Variants in FKBP5 observed in about 807,000 individuals in gnomAD.
The protein encoded by FKBP5 is FKBP prolyl isomerase 5, also known as peptidyl-prolyl cis-trans isomerase FKBP5.
A neutral mutation model predicts 50.5 loss-of-function variants in FKBP5; 23 were observed. That is an observed-to-expected ratio of 0.46 (90% CI 0.33 to 0.65). The LOEUF (loss-of-function observed/expected upper bound fraction) is 0.65. Ranked by LOEUF, FKBP5 falls within the 30% of genes least tolerant of loss-of-function variation. The probability of loss-of-function intolerance (pLI) is 0.02; values close to 1 mark genes in which losing one functional copy is unlikely to be tolerated. For synonymous variants in FKBP5, 176 were observed against 190.6 expected, an observed-to-expected ratio of 0.92 and a Z score of 0.63; for missense variants, 411 against 553.1, an observed-to-expected ratio of 0.74 and a Z score of 2.58.
intron 2 of FKBP5, among the ~76,000 whole-genome samples, chr6:35,696,361 A>C (rs1160441301): frequency 6.6e-6 from 1 of 151,150 alleles, no homozygotes; most frequent in Non-Finnish European, 1.5e-5. Flanking sequence ...CTCTACAAAA[A>C]ATTAGCCCAG....
Position 35,707,221 on chromosome 6 carries a change from T to TTTG in FKBP5, c.-20+13106_-20+13107insCAA, listed in dbSNP as rs1766332462. Among the ~76,000 whole-genome samples, 3 of 148,338 alleles carry TTTG rather than the reference T, an allele frequency of 2.0e-5. 1 individual carries two copies. The highest frequency in any genetic ancestry group is 4.5e-5 in the Non-Finnish European group (3 of 67,098). ...ACTGGTAAGTATGAGAAGACTTTTT[T>TTTG]TTTTTTTTTTTTGAGATGGAGTTTC... is the stretch of plus-strand genomic sequence containing the variant. On this transcript the variant is annotated intron_variant, in intron 2 of 11. Transcript: ENST00000536438.
At chr6:35,709,554 A>C (rs1766380003) in intron 2 of FKBP5, among the ~76,000 whole-genome samples, 1 of 152,224 alleles carries the variant, frequency 6.6e-6, no homozygotes, top group African/African-American at 2.4e-5. Context: ...ATCAGTTTTA[A>C]ACTAATTAAA....
At chr6:35,663,839 A>G (rs1765142097) in intron 1 of FKBP5, among the ~76,000 whole-genome samples, 1 of 152,354 alleles carries the variant, frequency 6.6e-6, no homozygotes, top group Admixed American at 6.5e-5. Context: ...GTGTATTTAT[A>G]GTATTTGTAT....
At chr6:35,614,173 T>A (rs546648239) in intron 5 of FKBP5, among the ~76,000 whole-genome samples, 31 of 152,218 alleles carry the variant, frequency 2.0e-4, no homozygotes, top group African/African-American at 6.0e-4. Context: ...GGATTACAGG[T>A]GTGAGCCACC....
intron 8 of FKBP5, chr6:35,583,746 G>C (rs938858179): frequency 5.2e-5 from 51 of 977,362 alleles, no homozygotes; most frequent in Non-Finnish European, 6.2e-5. Context: ...AATGTTGATA[G>C]TACTGAGGTT....
At chr6:35,647,195 A>G (rs1764653426) in intron 1 of FKBP5, among the ~76,000 whole-genome samples, 1 of 152,226 alleles carries the variant, frequency 6.6e-6, no homozygotes, top group Admixed American at 6.5e-5. Flanking sequence ...ACTGTTTTCA[A>G]GTAAGCAGAA....
rs1236279700 is a variant in FKBP5 at position 35,624,003 on chromosome 6, T to G, written c.251-3729A>C. On this transcript the variant is annotated intron_variant, in intron 3 of 10. Transcript: ENST00000357266. The stretch of plus-strand genomic sequence containing the variant: ...GGTGTGAGCCATTGCATCAGCCCAG[T>G]TTTTTTCCTTTTTAAGAGACAGGGT... Among the ~76,000 whole-genome samples, 8 of 151,284 alleles carry G rather than the reference T, an allele frequency of 5.3e-5. No individual in the cohort carries two copies. In the South Asian group the frequency reaches 1.7e-3, roughly 32 times the overall value.
chr6:35,576,173 A>G (rs1409619877), intron 10 of FKBP5, among the ~76,000 whole-genome samples: 3 of 152,100 alleles, frequency 2.0e-5, no homozygotes, highest in African/African-American at 7.2e-5. Context: ...GCATTCCTGG[A>G]GACTGGGGAC....
chr6:35,609,010 C>G (rs1239478582), intron 5 of FKBP5, among the ~76,000 whole-genome samples: 1 of 152,144 alleles, frequency 6.6e-6, no homozygotes, highest in Non-Finnish European at 1.5e-5. Flanking sequence ...GTTGGCCAGG[C>G]TGGTCTTGAA....
rs115610926 is a variant in FKBP5 at position 35,612,796 on chromosome 6, G to A, written c.508+6300C>T. Among the ~76,000 whole-genome samples, 1,105 of 152,096 alleles carry A rather than the reference G, an allele frequency of 7.3e-3. 11 individuals are homozygous for A. The highest frequency in any genetic ancestry group is 0.023 in the African/African-American group (953 of 41,512). On this transcript the variant is annotated intron_variant, in intron 5 of 10. Coordinates refer to ENST00000357266, the MANE Select transcript of FKBP5 (RefSeq NM_004117.4). ...TCATGAGAACAGCATGGGAGAAAAT[G>A]CCCCCCCGATTCAGTTACCTCCCAG...
chr6:35,609,898 A>G (rs1332800793), intron 5 of FKBP5, among the ~76,000 whole-genome samples: 2 of 152,178 alleles, frequency 1.3e-5, no homozygotes, highest in Non-Finnish European at 2.9e-5. Context: ...TCTGAAGACA[A>G]TAATTAGTAT....
At chr6:35,705,460 T>C (rs926140059) in intron 2 of FKBP5, among the ~76,000 whole-genome samples, 2 of 150,996 alleles carry the variant, frequency 1.3e-5, no homozygotes, top group South Asian at 4.2e-4. Context: ...AGAGATGGGG[T>C]TACACCATGT....
rs9368880 is a variant in FKBP5, at chr6:35,632,661, G to C, written c.250+4353C>G. Among the ~76,000 whole-genome samples, 5 of 151,698 alleles carry C rather than the reference G, an allele frequency of 3.3e-5. No individual in the cohort carries two copies. The East Asian group carries it at 9.7e-4, about 30-fold the overall frequency. On this transcript the variant is annotated intron_variant, in intron 3 of 10. Coordinates refer to ENST00000357266, the MANE Select transcript of FKBP5 (RefSeq NM_004117.4). Reference sequence around the variant, plus strand: ...TCCCAGCACGTTGGGAGGCCAAAACGGGTGGATCACCTGAGGTCAGGAGTT... The same window carrying C: ...TCCCAGCACGTTGGGAGGCCAAAACCGGTGGATCACCTGAGGTCAGGAGTT...
chr6:35,599,158 GTTAT>G (rs1763072787), intron 5 of FKBP5, among the ~76,000 whole-genome samples: 1 of 151,992 alleles, frequency 6.6e-6, no homozygotes, highest in African/African-American at 2.4e-5. Context: ...CACTCGTTCT[GTTAT>G]ACTCATTCCA....
chr6:35,707,421 T>C (rs995513298), intron 2 of FKBP5, among the ~76,000 whole-genome samples: 1 of 151,544 alleles, frequency 6.6e-6, no homozygotes, highest in Non-Finnish European at 1.5e-5. Context: ...ACGGGGTTTC[T>C]CCATGATGGG....
At chr6:35,589,217 C>G (rs1214422757) in intron 7 of FKBP5, among the ~76,000 whole-genome samples, 1 of 150,050 alleles carries the variant, frequency 6.7e-6, no homozygotes, top group African/African-American at 2.5e-5. Context: ...CAACCTCCAC[C>G]TCCTGGGTTC....
At chr6:35,646,115 C>CA (rs997988560) in intron 1 of FKBP5, among the ~76,000 whole-genome samples, 271 of 151,518 alleles carry the variant, frequency 1.8e-3, no homozygotes, top group African/African-American at 4.6e-3. Flanking sequence ...GACTCTTTCT[C>CA]AAAAAAAAGA....
At position 35,647,604 on chromosome 6, in the gene FKBP5, G is replaced by C. The variant is rs76725753; in HGVS notation, c.-19-4761C>G. On this transcript the variant is annotated intron_variant, in intron 1 of 10. Coordinates refer to ENST00000357266, the MANE Select transcript of FKBP5 (RefSeq NM_004117.4). ...CCCAGGGAGCCTGGAGAAGCTCTAG[G>C]TCTGGGGTCAGCCCCAGAAAGCAGG... Among the ~76,000 whole-genome samples the C allele has an allele frequency of 2.6e-5, 4 of 152,348 alleles. No homozygotes were observed. In the East Asian group the frequency reaches 5.8e-4, roughly 22 times the overall value.
Position 35,621,972 on chromosome 6 carries a change from C to T in FKBP5, c.251-1698G>A, listed in dbSNP as rs145994944. ...CCAGCCTGGGCAGCAGAGTGGAGAC[C>T]CTGTCCTGTCTCAAAAAACAAAAAC... On this transcript the variant is annotated intron_variant, in intron 3 of 10. Coordinates refer to ENST00000357266, the MANE Select transcript of FKBP5 (RefSeq NM_004117.4). Among the ~76,000 whole-genome samples the T allele has an allele frequency of 7.2e-3, 1,094 of 152,158 alleles. 10 individuals are homozygous for T. Among genetic ancestry groups the T allele is most frequent in the Middle Eastern group, 0.02 (6 of 294 alleles).
Sources: gnomAD v4.1 joint callset for allele counts (sites outside exome capture counted in the v4.1 genomes callset) on GRCh38, gnomAD v4.1.1 for gene constraint, MANE v1.5 for transcripts, NCBI Gene and HGNC (gene_info 2026-07-23, HGNC 2026-07-21) for gene names.